The following FMN1 variants were observed in gnomAD, a reference collection of about 807,000 sequenced individuals.
FMN1 encodes the protein formin 1, also known as formin-1.
A neutral mutation model predicts 132.4 loss-of-function variants in FMN1; 110 were observed. That is an observed-to-expected ratio of 0.83 (90% CI 0.71 to 0.97). The LOEUF is 0.97. Ranked by LOEUF, FMN1 falls within the 50% of genes least tolerant of loss-of-function variation. The probability of loss-of-function intolerance (pLI) is 0.00; values close to 1 mark genes in which losing one functional copy is unlikely to be tolerated. For missense variants in FMN1, 1,792 were observed against 1,705.3 expected, an observed-to-expected ratio of 1.05 and a Z score of -0.90; for synonymous variants, 722 against 651.7, an observed-to-expected ratio of 1.11 and a Z score of -1.64.
chr15:33,064,841 AGCATTACAT>A (rs1283905074), intron 6 of FMN1, 107 bp downstream of exon 6: 17 of 677,452 alleles, frequency 2.5e-5, no homozygotes, highest in Non-Finnish European at 3.7e-5. Flanking sequence ...GAAACCCTTC[AGCATTACAT>A]TTTATAATGA....
At chr15:33,082,022 T>TGG (rs747079571) in intron 5 of FMN1, among the ~76,000 whole-genome samples, 2 of 64,206 alleles carry the variant, frequency 3.1e-5, no homozygotes, top group African/African-American at 6.2e-5. Context: ...AGTTCAGGGG[T>TGG]GTGTGTGTGT....
chr15:32,913,355 A>G (rs372002917), intron 10 of FMN1, among the ~76,000 whole-genome samples: 1 of 152,296 alleles, frequency 6.6e-6, no homozygotes, highest in Non-Finnish European at 1.5e-5. Context: ...TCAAAATTTT[A>G]CTGTGATGCT....
intron 6 of FMN1, among the ~76,000 whole-genome samples, chr15:33,032,003 C>T (rs1002031189): frequency 1.3e-5 from 2 of 152,158 alleles, no homozygotes; most frequent in African/African-American, 4.8e-5. Flanking sequence ...TGAAGTGTTA[C>T]AATCATTAAC....
In FMN1 at chr15:32,772,646, T is replaced by C. The variant is rs1057056920; in HGVS notation, c.*1664A>G. 6.6e-6 allele frequency: 1 copy of C among 152,232 alleles called. No homozygotes were observed. 9.4% of individuals were successfully genotyped at this position (152,232 alleles called of 1,614,324 possible). On this transcript the variant is annotated 3_prime_UTR_variant, in exon 21 of 21. Transcript: ENST00000616417. ...ATTGTGAATTTTAAAAATCCAACCA[T>C]GTTACCATATTCCTTTCAGTTGCAC... is the stretch of plus-strand genomic sequence containing the variant.
intron 6 of FMN1, among the ~76,000 whole-genome samples, chr15:33,047,368 G>C (rs2036736628): frequency 6.6e-6 from 1 of 152,166 alleles, no homozygotes; most frequent in Non-Finnish European, 1.5e-5. Context: ...TTTTGGCAAA[G>C]TTTAAAAGCG....
At chr15:32,851,476 TG>T (rs2059007321) in intron 17 of FMN1, among the ~76,000 whole-genome samples, 1 of 152,096 alleles carries the variant, frequency 6.6e-6, no homozygotes, top group Admixed American at 6.5e-5. Context: ...GATCTGAGGG[TG>T]GGAAAGCAGG....
chr15:32,809,954 C>T (rs1329979533), intron 17 of FMN1, among the ~76,000 whole-genome samples: 2 of 151,504 alleles, frequency 1.3e-5, no homozygotes, highest in Non-Finnish European at 2.9e-5. Flanking sequence ...GGGTCTTGTT[C>T]TTTCACCCAG....
At chr15:32,899,254 T>C (rs1418768078) in intron 14 of FMN1, among the ~76,000 whole-genome samples, 2 of 152,186 alleles carry the variant, frequency 1.3e-5, no homozygotes, top group African/African-American at 4.8e-5. Flanking sequence ...GCACCCTCCC[T>C]GCCCGTCTTT....
chr15:32,808,492 A>G (rs1318780802), intron 17 of FMN1, among the ~76,000 whole-genome samples: 1 of 152,346 alleles, frequency 6.6e-6, no homozygotes, highest in Non-Finnish European at 1.5e-5. Context: ...CCAGAGTTAA[A>G]TGAAGTGTAG....
intron 19 of FMN1, among the ~76,000 whole-genome samples, chr15:32,783,176 T>C (rs940336948): frequency 6.6e-6 from 1 of 152,076 alleles, no homozygotes; most frequent in Non-Finnish European, 1.5e-5. Context: ...AAAGGTTATA[T>C]GGCAATCCTT....
chr15:32,792,308 G>A (rs1226915046), intron 19 of FMN1, among the ~76,000 whole-genome samples: 2 of 151,460 alleles, frequency 1.3e-5, no homozygotes, highest in East Asian at 1.9e-4. Flanking sequence ...AGCCGGGCGT[G>A]GTGGCAGACG....
intron 15 of FMN1, among the ~76,000 whole-genome samples, chr15:32,891,867 C>T (rs972039808): frequency 3.9e-5 from 6 of 152,034 alleles, no homozygotes; most frequent in African/African-American, 4.8e-5. Context: ...TGGTCACTGT[C>T]GGTGTACAGA....
chr15:33,172,207 C>CAA (rs375714453), intron 3 of FMN1, among the ~76,000 whole-genome samples: 29 of 101,130 alleles, frequency 2.9e-4, no homozygotes, highest in African/African-American at 9.9e-4. Context: ...GACTCCGTCT[C>CAA]AAAAAAAAAA....
intron 9 of FMN1, among the ~76,000 whole-genome samples, chr15:32,948,431 T>C (rs2061555637): frequency 6.6e-6 from 1 of 151,994 alleles, no homozygotes; most frequent in African/African-American, 2.4e-5. Flanking sequence ...TATATACTAG[T>C]CTTGAGTTTA....
At chr15:32,934,319 A>G (rs905222676) in intron 9 of FMN1, among the ~76,000 whole-genome samples, 9 of 152,090 alleles carry the variant, frequency 5.9e-5, no homozygotes, top group African/African-American at 2.2e-4. Context: ...TTTTATAATT[A>G]TATTTGTTTT....
At chr15:32,827,819 G>A (rs1271646371) in intron 17 of FMN1, among the ~76,000 whole-genome samples, 2 of 151,766 alleles carry the variant, frequency 1.3e-5, no homozygotes, top group African/African-American at 2.4e-5. Flanking sequence ...ACTCCAGCCT[G>A]GGTGACAGAG....
rs755329595 is a variant in FMN1 at position 32,798,823 on chromosome 15, T to C, written c.4111A>G (p.Lys1371Glu). 1.5e-5 allele frequency: 24 copies of C among 1,612,894 alleles called. No homozygotes were observed. The highest frequency in any genetic ancestry group is 2.2e-5 in the East Asian group (1 of 44,876). The change falls in exon 19 of 21, where the codon AAA becomes GAA. Residue 1371 changes from lysine to glutamate, a missense_variant. Lys to Glu is a moderately conservative substitution (Grantham distance 56). Coordinates refer to ENST00000616417, the MANE Select transcript of FMN1 (RefSeq NM_001277313.2). ...DFKTIWKRES[K>E]NISKERLKMA... ...CCTTACCTTTCTTTAGATATGTTTT[T>C]ACTCTCCCGTTTCCAAATTGTCTTG...
At chr15:33,127,772 G>A (rs713277) in intron 4 of FMN1, among the ~76,000 whole-genome samples, 26,001 of 152,218 alleles carry the variant, frequency 0.17, 2,859 homozygotes, top group Non-Finnish European at 0.26. Context: ...TCCACTTGCA[G>A]TGTCTGTAGA....
rs531780321 is a variant in FMN1, at chr15:32,838,860, T to C, written c.3928+18155A>G. On this transcript the variant is annotated intron_variant, in intron 17 of 20. Transcript: ENST00000616417. Reference sequence around the variant, plus strand: ...CACGAAGACTGAAATCTAAACAACATGAAGAAATCTCGAGAGCCCAGCAGT... The same window carrying C: ...CACGAAGACTGAAATCTAAACAACACGAAGAAATCTCGAGAGCCCAGCAGT... 2.6e-5 allele frequency among the ~76,000 whole-genome samples: 4 copies of C among 152,224 alleles called. No individual in the cohort carries two copies. The South Asian group carries it at 8.3e-4, about 32-fold the overall frequency.
Sources: allele counts gnomAD v4.1 joint callset (sites outside exome capture counted in the v4.1 genomes callset), GRCh38; gene constraint gnomAD v4.1.1; transcripts MANE v1.5; gene names NCBI Gene and HGNC (gene_info 2026-07-23, HGNC 2026-07-21).